Variants in SH3RF3 observed in about 807,000 individuals in gnomAD.
The protein encoded by SH3RF3 is E3 ubiquitin-protein ligase SH3RF3.
SH3RF3 carries 29 observed loss-of-function variants against 66.3 expected under a neutral mutation model. That is an observed-to-expected ratio of 0.44 (90% CI 0.33 to 0.60). The LOEUF (loss-of-function observed/expected upper bound fraction) is 0.60, where lower values mean the gene tolerates loss of function less well. SH3RF3 is among the 20% of genes least tolerant of loss of function. SH3RF3 has a pLI of 0.04. For missense variants in SH3RF3, 1,194 were observed against 1,190.9 expected, an observed-to-expected ratio of 1.00 and a Z score of -0.04; for synonymous variants, 583 against 532.0, an observed-to-expected ratio of 1.10 and a Z score of -1.32.
intron 1 of SH3RF3, among the ~76,000 whole-genome samples, chr2:109,233,057 C>T (rs951698973): frequency 2.8e-4 from 43 of 152,108 alleles, no homozygotes; most frequent in African/African-American, 9.2e-4. Context: ...GTGCTGGGGC[C>T]GGAGCTAGTG....
intron 1 of SH3RF3, among the ~76,000 whole-genome samples, chr2:109,143,402 C>G (rs1052069323): frequency 1.3e-5 from 2 of 152,116 alleles, no homozygotes; most frequent in Middle Eastern, 3.4e-3. Flanking sequence ...TTCACAGGGC[C>G]AATATCTGAA....
chr2:109,487,561 G>C (rs1275382002), intron 8 of SH3RF3, among the ~76,000 whole-genome samples: 1 of 152,208 alleles, frequency 6.6e-6, no homozygotes, highest in African/African-American at 2.4e-5. Flanking sequence ...CTGGAGAATT[G>C]AGACAGGAAA....
chr2:109,366,779 G>A (rs1178729964), intron 2 of SH3RF3, among the ~76,000 whole-genome samples: 1 of 152,194 alleles, frequency 6.6e-6, no homozygotes, highest in African/African-American at 2.4e-5. Context: ...CTTGCGCCTG[G>A]AAAGTCAAAG....
chr2:109,230,419 A>T (rs1479357060), intron 1 of SH3RF3, among the ~76,000 whole-genome samples: 1 of 152,074 alleles, frequency 6.6e-6, no homozygotes, highest in Non-Finnish European at 1.5e-5. Context: ...TTTACTAAAA[A>T]AAATGGAAAA....
In SH3RF3 at chr2:109,129,630, ACGGCGGCGTCGGG is replaced by A. The variant is rs1379083960; in HGVS notation, c.98_110del (p.Arg33ProfsTer233). 6.7e-7 allele frequency: 1 copy of A among 1,493,046 alleles called. No homozygotes were observed. The highest frequency in any genetic ancestry group is 1.3e-5 in the South Asian group (1 of 78,226). 92.5% of individuals were successfully genotyped at this position (1,493,046 alleles called of 1,614,324 possible). ...GCGACGAGGACAGGCCAGGCGAGCG[ACGGCGGCGTCGGG>A]CGGCGGCCACCGCCGCGGGGGCGGG... On this transcript the variant is annotated frameshift_variant, in exon 1 of 10. Coordinates refer to ENST00000309415, the MANE Select transcript of SH3RF3 (RefSeq NM_001099289.3). LOFTEE classifies it high-confidence loss of function.
At chr2:109,485,761 A>G (rs1448263556) in intron 8 of SH3RF3, among the ~76,000 whole-genome samples, 1 of 152,236 alleles carries the variant, frequency 6.6e-6, no homozygotes, top group African/African-American at 2.4e-5. Context: ...CTTTTTCTGG[A>G]TATAACTCAT....
chr2:109,470,476 G>C (rs974719061), intron 8 of SH3RF3, among the ~76,000 whole-genome samples: 1 of 152,184 alleles, frequency 6.6e-6, no homozygotes, highest in African/African-American at 2.4e-5. Context: ...GAGTGTAGTT[G>C]CCCTCTGGTC....
chr2:109,203,371 G>A (rs2105077597), intron 1 of SH3RF3, among the ~76,000 whole-genome samples: 1 of 152,332 alleles, frequency 6.6e-6, no homozygotes, highest in South Asian at 2.1e-4. Context: ...CCTGTTGTGA[G>A]ACGGATGGCC....
At chr2:109,422,541 G>T (rs1676909909) in intron 5 of SH3RF3, among the ~76,000 whole-genome samples, 1 of 152,194 alleles carries the variant, frequency 6.6e-6, no homozygotes, top group Non-Finnish European at 1.5e-5. Flanking sequence ...CTCACCCAGT[G>T]CATGGAGGCG....
At chr2:109,145,567 C>T (rs570357497) in intron 1 of SH3RF3, among the ~76,000 whole-genome samples, 3 of 152,162 alleles carry the variant, frequency 2.0e-5, no homozygotes, top group East Asian at 3.8e-4. Context: ...CTAGGCTGTC[C>T]GGGGGGCCTC....
At chr2:109,148,194 C>G (rs1327429711) in intron 1 of SH3RF3, among the ~76,000 whole-genome samples, 1 of 152,232 alleles carries the variant, frequency 6.6e-6, no homozygotes, top group Non-Finnish European at 1.5e-5. Flanking sequence ...GCTCTCCCAC[C>G]TGCCTGCTCT....
chr2:109,427,250 T>A (rs1677050927), intron 5 of SH3RF3, among the ~76,000 whole-genome samples: 1 of 152,172 alleles, frequency 6.6e-6, no homozygotes, highest in South Asian at 2.1e-4. Flanking sequence ...ATTACAGGCG[T>A]GAGTCACCGT....
At chr2:109,417,954 A>G (rs1676768909) in intron 4 of SH3RF3, among the ~76,000 whole-genome samples, 1 of 152,132 alleles carries the variant, frequency 6.6e-6, no homozygotes, top group Non-Finnish European at 1.5e-5. Context: ...GTGTGAGGCC[A>G]GTCTGGGGGC....
chr2:109,416,081 C>T (rs926997040), intron 4 of SH3RF3, among the ~76,000 whole-genome samples: 1 of 152,196 alleles, frequency 6.6e-6, no homozygotes. Context: ...TGCAGCATCG[C>T]ACTTCTCAGT....
intron 5 of SH3RF3, among the ~76,000 whole-genome samples, chr2:109,425,286 G>C (rs1188664415): frequency 6.6e-6 from 1 of 152,218 alleles, no homozygotes; most frequent in Non-Finnish European, 1.5e-5. Context: ...AAAGTACAAG[G>C]TAAAGCAGCA....
intron 4 of SH3RF3, among the ~76,000 whole-genome samples, chr2:109,402,858 C>T (rs1676351878): frequency 6.6e-6 from 1 of 152,178 alleles, no homozygotes; most frequent in Non-Finnish European, 1.5e-5. Flanking sequence ...ATTGAATCCT[C>T]ATTGAACGTT....
intron 1 of SH3RF3, among the ~76,000 whole-genome samples, chr2:109,193,085 T>C (rs1363094157): frequency 6.6e-6 from 1 of 152,154 alleles, no homozygotes; most frequent in Non-Finnish European, 1.5e-5. Context: ...GGTGAGTAAA[T>C]AGAAGTTAAA....
chr2:109,427,939 C>CT (rs2104552188), intron 5 of SH3RF3, among the ~76,000 whole-genome samples: 1 of 152,388 alleles, frequency 6.6e-6, no homozygotes, highest in South Asian at 2.1e-4. Context: ...CTCTGAGCAT[C>CT]TGCACTCATC....
chr2:109,136,704 A>C (rs1676822342), intron 1 of SH3RF3, among the ~76,000 whole-genome samples: 1 of 152,230 alleles, frequency 6.6e-6, no homozygotes, highest in Non-Finnish European at 1.5e-5. Flanking sequence ...AAACGAAGAT[A>C]TGATGGTATT....
Sources: allele counts gnomAD v4.1 joint callset (sites outside exome capture counted in the v4.1 genomes callset), GRCh38; gene constraint gnomAD v4.1.1; transcripts MANE v1.5; gene names NCBI Gene and HGNC (gene_info 2026-07-23, HGNC 2026-07-21).